CEP85L: variants seen among roughly 807,000 people sequenced by gnomAD.
The protein encoded by CEP85L is centrosomal protein of 85 kDa-like.
Under a neutral mutation model 100.3 loss-of-function variants are expected in CEP85L, and 60 were observed. The ratio of observed to expected loss-of-function variants is 0.60; its 90% CI spans 0.49 to 0.74. CEP85L has a LOEUF of 0.74. Among genes scored for constraint, CEP85L ranks in the 30% least tolerant of loss-of-function variants. CEP85L has a pLI of 0.00. For missense variants in CEP85L, 973 were observed against 936.2 expected, an observed-to-expected ratio of 1.04 and a Z score of -0.51; for synonymous variants, 319 against 322.7, an observed-to-expected ratio of 0.99 and a Z score of 0.12.
chr6:118,653,022 C>A (rs1452930915), upstream of CEP85L, among the ~76,000 whole-genome samples: 1 of 152,028 alleles, frequency 6.6e-6, no homozygotes, highest in African/African-American at 2.4e-5. Context: ...TTTTGAAATT[C>A]ATTTGTGATG....
chr6:118,614,734 G>A (rs564252429), intron 2 of CEP85L, among the ~76,000 whole-genome samples: 8 of 152,242 alleles, frequency 5.3e-5, no homozygotes, highest in Admixed American at 2.0e-4. Flanking sequence ...CCAGCTACTC[G>A]GGAGGCTGAG....
At chr6:118,635,318 A>G (rs776585064) in intron 1 of CEP85L, among the ~76,000 whole-genome samples, 2 of 152,306 alleles carry the variant, frequency 1.3e-5, no homozygotes, top group East Asian at 1.9e-4. Context: ...GAATATATCT[A>G]GTGTGTATGG....
At chr6:118,537,725 C>A (rs1231107928) in intron 3 of CEP85L, 1 of 985,182 alleles carries the variant, frequency 1.0e-6, no homozygotes. Flanking sequence ...TTGGCCTGGA[C>A]AAATACTGTT....
intron 2 of CEP85L, among the ~76,000 whole-genome samples, chr6:118,626,153 A>G (rs1273923180): frequency 1.3e-5 from 2 of 152,162 alleles, no homozygotes; most frequent in Non-Finnish European, 1.5e-5. Context: ...GGGCTTGGAA[A>G]GCTGTAAAAC....
At chr6:118,503,044 G>T (rs1775407742) in intron 5 of CEP85L, 1 of 213,640 alleles carries the variant, frequency 4.7e-6, no homozygotes, top group Non-Finnish European at 9.5e-6. Flanking sequence ...TTAAACTTCG[G>T]AACAGTGAAA....
intron 5 of CEP85L, 54 bp from the exon 6 acceptor site, chr6:118,491,919 T>A: frequency 7.3e-7 from 1 of 1,366,352 alleles, no homozygotes. Flanking sequence ...CTTGAACAAA[T>A]GTGAAGAAAT....
At position 118,566,486 on chromosome 6, in the gene CEP85L, C is replaced by T. The variant is rs533664066; in HGVS notation, c.233-170G>A. Among the ~76,000 whole-genome samples, 8 of 152,138 alleles carry T rather than the reference C, an allele frequency of 5.3e-5. No homozygotes were observed. In the South Asian group the frequency reaches 1.5e-3, roughly 28 times the overall value. The stretch of plus-strand genomic sequence containing the variant: ...AGGCTGGAGTGCAGTGGCAAGATCT[C>T]GGCTCACCGCAATCTCTGCCTCCTG... On this transcript the variant is annotated intron_variant, in intron 2 of 12. Coordinates refer to ENST00000368491, the MANE Select transcript of CEP85L (RefSeq NM_001042475.3).
intron 3 of CEP85L, among the ~76,000 whole-genome samples, chr6:118,542,651 C>A: frequency 6.6e-6 from 1 of 151,810 alleles, no homozygotes. Context: ...AATGACAGTT[C>A]CAATTCAACT....
At chr6:118,572,898 T>C (rs1027091682) in intron 2 of CEP85L, among the ~76,000 whole-genome samples, 8 of 151,894 alleles carry the variant, frequency 5.3e-5, no homozygotes, top group Non-Finnish European at 1.2e-4. Flanking sequence ...CCATTTCTAC[T>C]AAAAATACAA....
chr6:118,472,046 C>CA (rs895523723), intron 10 of CEP85L, among the ~76,000 whole-genome samples: 41 of 143,702 alleles, frequency 2.9e-4, no homozygotes, highest in Middle Eastern at 3.6e-3. Context: ...CACATTCTAA[C>CA]AAAAAAAAAA....
chr6:118,510,690 C>T (rs1218564730), intron 5 of CEP85L, among the ~76,000 whole-genome samples: 4 of 152,092 alleles, frequency 2.6e-5, no homozygotes, highest in African/African-American at 4.8e-5. Flanking sequence ...AACTCAATAC[C>T]TAGAAATTTC....
At chr6:118,647,453 C>T (rs1185168683) in intron 1 of CEP85L, among the ~76,000 whole-genome samples, 3 of 152,186 alleles carry the variant, frequency 2.0e-5, no homozygotes, top group Admixed American at 6.5e-5. Context: ...CTCAGCCTCC[C>T]GGGTTCAGGC....
Position 118,464,507 on chromosome 6 carries a change from T to A in CEP85L, c.*898A>T, listed in dbSNP as rs1249562993. 1.3e-5 allele frequency: 2 copies of A among 152,122 alleles called. No homozygotes were observed. Among genetic ancestry groups the A allele is most frequent in the Non-Finnish European group, 2.9e-5 (2 of 67,990 alleles). The allele number at this position is 152,122 out of a possible 1,614,324, so 9.4% of individuals were successfully genotyped here. On this transcript the variant is annotated 3_prime_UTR_variant, in exon 13 of 13. Transcript: ENST00000368491. ...TGAGATTTGGATAAGTAAGCTATTG[T>A]TCCAGGGTAACTTTGTTAATCTTCC...
intron 3 of CEP85L, among the ~76,000 whole-genome samples, 176 bp from the exon 4 acceptor site, chr6:118,524,096 CT>C (rs1776821558): frequency 6.6e-6 from 1 of 151,998 alleles, no homozygotes; most frequent in Admixed American, 6.6e-5. Context: ...CAAGGAAGTT[CT>C]AAAGGAAATG....
At chr6:118,575,394 C>A (rs1386000655) in intron 2 of CEP85L, among the ~76,000 whole-genome samples, 2 of 152,148 alleles carry the variant, frequency 1.3e-5, no homozygotes, top group African/African-American at 2.4e-5. Flanking sequence ...CTGGATTTGT[C>A]AACTTTTAAT....
At chr6:118,539,791 G>T (rs1777806019) in intron 3 of CEP85L, among the ~76,000 whole-genome samples, 1 of 152,106 alleles carries the variant, frequency 6.6e-6, no homozygotes, top group Non-Finnish European at 1.5e-5. Context: ...TATCTTGAGG[G>T]GAGAGGGAGC....
chr6:118,569,341 C>CAAAAAA lies in CEP85L; in HGVS notation c.233-3031_233-3026dup, dbSNP rs56123225. Among the ~76,000 whole-genome samples, 40 of 68,214 alleles carry CAAAAAA rather than the reference C, an allele frequency of 5.9e-4. 1 individual carries two copies. The highest frequency in any genetic ancestry group is 2.4e-3 in the African/African-American group (36 of 14,930). The allele number at this position is 68,214 out of a possible 152,430, so 44.8% of individuals were successfully genotyped here. The stretch of plus-strand genomic sequence containing the variant: ...TGGGTGACAAGGCTAGACTCTGTCT[C>CAAAAAA]AAAAAAAAAAAAAAAAAAAAAAAAA... On this transcript the variant is annotated intron_variant, in intron 2 of 12. Transcript: ENST00000368491.
Position 118,640,885 on chromosome 6 carries a change from T to C in CEP85L, c.74-8274A>G, listed in dbSNP as rs559676328. Among the ~76,000 whole-genome samples the C allele has an allele frequency of 2.0e-5, 3 of 152,300 alleles. No individual in the cohort carries two copies. The South Asian group carries it at 6.2e-4, about 32-fold the overall frequency. ...TAATTAGGATCTCAATAAATGTTAT[T>C]ATTTTTATTACTGTCCATGCATAGA... On this transcript the variant is annotated intron_variant, in intron 1 of 12. Transcript: ENST00000368491.
At position 118,642,378 on chromosome 6, in the gene CEP85L, A is replaced by G. The variant is rs375524686; in HGVS notation, c.73+8819T>C. Among the ~76,000 whole-genome samples, 6 of 152,252 alleles carry G rather than the reference A, an allele frequency of 3.9e-5. No individual in the cohort carries two copies. The East Asian group carries it at 5.8e-4, about 15-fold the overall frequency. ...GCTGCTCCAATCCCAAAAGAGATCCAAAGATCTGCTCAGACATGAAAAGTT... is the reference window on the plus strand; with the variant it reads ...GCTGCTCCAATCCCAAAAGAGATCCGAAGATCTGCTCAGACATGAAAAGTT... On this transcript the variant is annotated intron_variant, in intron 1 of 12. Coordinates refer to ENST00000368491, the MANE Select transcript of CEP85L (RefSeq NM_001042475.3).
Sources: gnomAD v4.1 joint callset for allele counts (sites outside exome capture counted in the v4.1 genomes callset) on GRCh38, gnomAD v4.1.1 for gene constraint, MANE v1.5 for transcripts, NCBI Gene and HGNC (gene_info 2026-07-23, HGNC 2026-07-21) for gene names.